TEX9: variants seen among roughly 807,000 people sequenced by gnomAD.
TEX9 encodes testis expressed 9, also known as testis-expressed protein 9.
Under a neutral mutation model 59.6 loss-of-function variants are expected in TEX9, and 74 were observed. The observed-to-expected ratio is 1.24, with a 90% CI of 1.03 to 1.51. The LOEUF (loss-of-function observed/expected upper bound fraction) is 1.51, where lower values mean the gene tolerates loss of function less well. Ranked by LOEUF, TEX9 falls within the 40% of genes most tolerant of loss-of-function variation. The probability of loss-of-function intolerance (pLI) is 0.00; values close to 1 mark genes in which losing one functional copy is unlikely to be tolerated. For missense variants in TEX9, 522 were observed against 447.8 expected (o/e 1.17, Z -1.49); for synonymous variants, 186 against 152.2 (o/e 1.22, Z -1.64).
intron 10 of TEX9, among the ~76,000 whole-genome samples, chr15:56,420,352 G>A (rs1239409481): frequency 2.0e-5 from 3 of 150,812 alleles, no homozygotes; most frequent in African/African-American, 7.4e-5. Context: ...CTGTTGCCCA[G>A]GGTGGAGTGC....
At chr15:56,304,339 G>T (rs1254545101) in intron 1 of TEX9, among the ~76,000 whole-genome samples, 1 of 152,156 alleles carries the variant, frequency 6.6e-6, no homozygotes, top group Admixed American at 6.5e-5. Flanking sequence ...TAGAGGAAAG[G>T]CTTTCAGTCT....
At chr15:56,339,382 C>CAAAAAAAA (rs1567091301) in intron 1 of TEX9, among the ~76,000 whole-genome samples, 1 of 2,830 alleles carries the variant, frequency 3.5e-4, no homozygotes, top group Non-Finnish European at 6.8e-4. Flanking sequence ...GACTCCTTCT[C>CAAAAAAAA]CAAAAAAAAA....
At chr15:56,337,108 G>A (rs2046271906) in intron 1 of TEX9, among the ~76,000 whole-genome samples, 1 of 151,918 alleles carries the variant, frequency 6.6e-6, no homozygotes. Flanking sequence ...TTTTTTTCCT[G>A]GAAAAATTTA....
chr15:56,261,951 G>A (rs1332620893), intron 1 of TEX9, among the ~76,000 whole-genome samples: 1 of 152,140 alleles, frequency 6.6e-6, no homozygotes, highest in African/African-American at 2.4e-5. Context: ...CTGTACTGAC[G>A]AAATGTACTG....
rs1418120566 is a variant in TEX9 at position 56,289,457 on chromosome 15, G to GGTTCC, written c.-107+45180_-107+45184dup. On this transcript the variant is annotated intron_variant, in intron 1 of 5. Transcript: ENST00000560827. The stretch of plus-strand genomic sequence containing the variant: ...GTGCAGCAGTTCTGGCACCATTGAG[G>GGTTCC]GTTCCAGATGTGTAGTGTCTGTGTA... Among the ~76,000 whole-genome samples the GGTTCC allele has an allele frequency of 2.0e-5, 3 of 152,150 alleles. No individual in the cohort carries two copies. In the East Asian group the frequency reaches 5.8e-4, roughly 29 times the overall value.
At chr15:56,325,128 T>C (rs762201267) in intron 1 of TEX9, among the ~76,000 whole-genome samples, 7 of 152,248 alleles carry the variant, frequency 4.6e-5, no homozygotes, top group Non-Finnish European at 1.0e-4. Context: ...GTATGTGTTC[T>C]CTTTTTCTGT....
rs533207945 is a variant in TEX9, at chr15:56,389,073, C to G, written c.313-245C>G. Among the ~76,000 whole-genome samples the G allele has an allele frequency of 2.6e-5, 4 of 152,098 alleles. No homozygotes were observed. The South Asian group carries it at 8.3e-4, about 32-fold the overall frequency. ...AGATTTATTCATGACATTCCACTGG[C>G]TAGCTGAATACCATTGAATCTTTAG... is the stretch of plus-strand genomic sequence containing the variant. On this transcript the variant is annotated intron_variant, in intron 5 of 12. Transcript: ENST00000352903.
At chr15:56,430,562 T>C (rs1356587203) in intron 12 of TEX9, among the ~76,000 whole-genome samples, 4 of 152,086 alleles carry the variant, frequency 2.6e-5, no homozygotes, top group Admixed American at 6.5e-5. Context: ...AAATTCACTA[T>C]CTTCTGGAAT....
chr15:56,368,224 C>G (rs780787417), intron 2 of TEX9, among the ~76,000 whole-genome samples: 9 of 151,980 alleles, frequency 5.9e-5, no homozygotes, highest in Non-Finnish European at 1.0e-4. Flanking sequence ...CTAATTAATT[C>G]AGCTGTTGGT....
intron 12 of TEX9, chr15:56,443,889 A>G (rs1208254775): frequency 2.1e-6 from 3 of 1,413,600 alleles, no homozygotes; most frequent in Non-Finnish European, 2.9e-6. Flanking sequence ...TTTATAGTAA[A>G]CAATAAAATA....
chr15:56,250,592 G>A (rs569312313), intron 1 of TEX9, among the ~76,000 whole-genome samples: 3 of 152,252 alleles, frequency 2.0e-5, no homozygotes, highest in South Asian at 2.1e-4. Flanking sequence ...GAGGTTCTAC[G>A]AGAGAACAAG....
chr15:56,281,438 C>T (rs984483195), intron 1 of TEX9, among the ~76,000 whole-genome samples: 8 of 152,218 alleles, frequency 5.3e-5, no homozygotes, highest in Admixed American at 2.6e-4. Context: ...CAAAGGAGCC[C>T]GAACCCTTCT....
chr15:56,307,695 C>T (rs1436458716), intron 1 of TEX9, among the ~76,000 whole-genome samples: 1 of 152,082 alleles, frequency 6.6e-6, no homozygotes, highest in African/African-American at 2.4e-5. Flanking sequence ...ATTTTAATCA[C>T]CCCCAAAAGA....
intron 1 of TEX9, among the ~76,000 whole-genome samples, chr15:56,245,627 T>C (rs765130899): frequency 1.3e-4 from 20 of 152,230 alleles, no homozygotes; most frequent in Non-Finnish European, 2.6e-4. Context: ...GAACACTTTG[T>C]GTGCCAGACT....
In TEX9 at chr15:56,315,556, C is replaced by T. The variant is rs1333560836; in HGVS notation, c.-106-57885C>T. ...GATGGCCTTCCCTTTGAGGGTAACC[C>T]GACCTTTCTCTGTGGCTGCCCTTAA... On this transcript the variant is annotated intron_variant, in intron 1 of 5. Transcript: ENST00000560827. 2.1e-4 allele frequency among the ~76,000 whole-genome samples: 31 copies of T among 150,396 alleles called. 1 individual carries two copies. Among genetic ancestry groups the T allele is most frequent in the Admixed American group, 1.8e-3 (26 of 14,794 alleles).
At chr15:56,362,036 A>G (rs1450945110), upstream of TEX9, among the ~76,000 whole-genome samples, 4 of 152,172 alleles carry the variant, frequency 2.6e-5, no homozygotes, top group African/African-American at 7.2e-5. Context: ...TATATAATTT[A>G]TATTCTTTTA....
upstream of TEX9, among the ~76,000 whole-genome samples, chr15:56,365,177 C>T (rs2046876159): frequency 6.6e-6 from 1 of 152,200 alleles, no homozygotes; most frequent in Non-Finnish European, 1.5e-5. Context: ...CGGCAAAGGA[C>T]CTGCCTGTTT....
intron 4 of TEX9, among the ~76,000 whole-genome samples, chr15:56,385,481 T>A (rs1307432385): frequency 2.0e-5 from 3 of 152,132 alleles, no homozygotes; most frequent in Admixed American, 2.0e-4. Context: ...TTGGGTAAAA[T>A]GGCCCATGGC....
chr15:56,424,807 A>G (rs1467536594), intron 10 of TEX9, among the ~76,000 whole-genome samples: 1 of 152,204 alleles, frequency 6.6e-6, no homozygotes, highest in Non-Finnish European at 1.5e-5. Context: ...AAAATAATAC[A>G]GGCCTTTATA....
Sources: gnomAD v4.1 joint callset for allele counts (sites outside exome capture counted in the v4.1 genomes callset) on GRCh38, gnomAD v4.1.1 for gene constraint, MANE v1.5 for transcripts, NCBI Gene and HGNC (gene_info 2026-07-23, HGNC 2026-07-21) for gene names.